Variants in XDH observed in about 807,000 individuals in gnomAD.
XDH encodes the protein xanthine dehydrogenase/oxidase.
A neutral mutation model predicts 156.1 loss-of-function variants in XDH; 138 were observed. The ratio of observed to expected loss-of-function variants is 0.88; its 90% CI spans 0.77 to 1.02. The LOEUF (loss-of-function observed/expected upper bound fraction) is 1.02. Among genes scored for constraint, XDH ranks in the 50% least tolerant of loss-of-function variants. XDH has a pLI of 0.00. For missense variants in XDH, 1,849 were observed against 1,684.9 expected, an observed-to-expected ratio of 1.10 and a Z score of -1.71; for synonymous variants, 669 against 625.7, an observed-to-expected ratio of 1.07 and a Z score of -1.03.
In XDH at chr2:31,383,668, G is replaced by A. The variant is rs1686503218; in HGVS notation, c.886+87C>T. On this transcript the variant is annotated intron_variant, in intron 10 of 35. Coordinates refer to ENST00000379416, the MANE Select transcript of XDH (RefSeq NM_000379.4). ...GCAGGGGGCAGCCAGAGCCAGTGGG[G>A]AGACCACCCTGATACCTGCCACCCA... 11 of 1,306,292 alleles carry A rather than the reference G, an allele frequency of 8.4e-6. No individual in the cohort carries two copies. The South Asian group carries it at 1.0e-4, about 12-fold the overall frequency. 80.9% of individuals were successfully genotyped at this position (1,306,292 alleles called of 1,614,324 possible). A position where few individuals can be genotyped will look rare whatever the true frequency, so the allele number is the denominator to read the frequency against.
intron 2 of XDH, among the ~76,000 whole-genome samples, chr2:31,404,414 T>G (rs991897607): frequency 6.6e-6 from 1 of 151,660 alleles, no homozygotes; most frequent in African/African-American, 2.4e-5. Context: ...AAGGCTGGAG[T>G]TTTCTCCCCC....
At chr2:31,363,174 T>G (rs569709978) in intron 24 of XDH, among the ~76,000 whole-genome samples, 54 of 151,966 alleles carry the variant, frequency 3.6e-4, no homozygotes, top group Admixed American at 6.6e-4. Context: ...TAGCCAGGCA[T>G]AGGGGTGCAT....
At chr2:31,347,784 G>T in intron 28 of XDH, 134 bp from the exon 29 acceptor site, 4 of 1,232,980 alleles carry the variant, frequency 3.2e-6, no homozygotes, top group Non-Finnish European at 3.4e-6. Flanking sequence ...TCATTGTCTG[G>T]GATGTCCTTA....
intron 9 of XDH, among the ~76,000 whole-genome samples, chr2:31,385,076 G>A (rs1190863840): frequency 6.6e-6 from 1 of 152,194 alleles, no homozygotes; most frequent in East Asian, 1.9e-4. Context: ...GCATGCAAGT[G>A]TGAAATGATC....
intron 1 of XDH, among the ~76,000 whole-genome samples, chr2:31,408,616 C>T (rs1687257201): frequency 6.6e-6 from 1 of 152,194 alleles, no homozygotes; most frequent in African/African-American, 2.4e-5. Flanking sequence ...CTCTTCCTGG[C>T]AGAAGAATGT....
chr2:31,411,972 T>G (rs1231192769), intron 1 of XDH, among the ~76,000 whole-genome samples: 1 of 151,662 alleles, frequency 6.6e-6, no homozygotes, highest in East Asian at 1.9e-4. Flanking sequence ...AGTGAGTGAG[T>G]GAGTGAGTGA....
chr2:31,378,105 AG>A (rs1686308905), intron 13 of XDH, among the ~76,000 whole-genome samples: 1 of 57,516 alleles, frequency 1.7e-5, no homozygotes, highest in Non-Finnish European at 3.3e-5. Context: ...AAAGAAAGAA[AG>A]AAAGGAAGGA....
intron 6 of XDH, among the ~76,000 whole-genome samples, chr2:31,393,961 T>C (rs1307229129): frequency 6.6e-6 from 1 of 152,128 alleles, no homozygotes; most frequent in African/African-American, 2.4e-5. Flanking sequence ...TTATCATTGT[T>C]GTCATTCATT....
chr2:31,406,049 C>A, intron 1 of XDH, 85 bp from the exon 2 acceptor site: 1 of 1,445,904 alleles, frequency 6.9e-7, no homozygotes, highest in South Asian at 1.2e-5. Flanking sequence ...GTGTCTCACT[C>A]AATAATTTGT....
intron 35 of XDH, among the ~76,000 whole-genome samples, 153 bp from the exon 36 acceptor site, chr2:31,336,161 A>G (rs534277930): frequency 2.0e-5 from 3 of 152,228 alleles, no homozygotes; most frequent in African/African-American, 4.8e-5. Context: ...TCAGGGCAGG[A>G]CTCCTTAATT....
rs1684943009 is a variant in XDH at position 31,335,243 on chromosome 2, TACTC to T, written c.*711_*714del. ...GATTAAACATAATCTTTTTTGTAAATACTCAAAGAGTATTTGGAATACAAATATT... is the reference window on the plus strand; with the variant it reads ...GATTAAACATAATCTTTTTTGTAAATAAAGAGTATTTGGAATACAAATATT... On this transcript the variant is annotated 3_prime_UTR_variant, in exon 36 of 36. Transcript: ENST00000379416. The T allele has an allele frequency of 1.3e-5, 2 of 149,938 alleles. No individual in the cohort carries two copies. Among genetic ancestry groups the T allele is most frequent in the Non-Finnish European group, 3.0e-5 (2 of 66,938 alleles). The allele number at this position is 149,938 out of a possible 1,614,324, so 9.3% of individuals were successfully genotyped here.
intron 3 of XDH, among the ~76,000 whole-genome samples, chr2:31,402,026 G>T (rs1687073011): frequency 6.6e-6 from 1 of 152,140 alleles, no homozygotes; most frequent in African/African-American, 2.4e-5. Flanking sequence ...TTTAAATCTT[G>T]TTAAAGTAAA....
chr2:31,357,987 C>CT (rs991100015), intron 24 of XDH, among the ~76,000 whole-genome samples: 14 of 150,490 alleles, frequency 9.3e-5, no homozygotes, highest in South Asian at 4.2e-4. Context: ...TTGTTTGTTT[C>CT]TTTTTTTTTC....
intron 24 of XDH, among the ~76,000 whole-genome samples, chr2:31,355,315 G>T (rs1158139593): frequency 2.6e-5 from 4 of 152,060 alleles, no homozygotes; most frequent in Middle Eastern, 3.4e-3. Context: ...GATAAAAGAA[G>T]GAAGCTTGGA....
Position 31,379,752 on chromosome 2 carries a change from T to C in XDH, c.1242+115A>G, listed in dbSNP as rs1001511778. On this transcript the variant is annotated intron_variant, in intron 13 of 35. Coordinates refer to ENST00000379416, the MANE Select transcript of XDH (RefSeq NM_000379.4). ...AAAGTTCAGAGAGAAAAATCATCAATGTAAAGGTTGAGAGATGCTCAGGTT... is the reference window on the plus strand; with the variant it reads ...AAAGTTCAGAGAGAAAAATCATCAACGTAAAGGTTGAGAGATGCTCAGGTT... 66 of 1,014,966 alleles carry C rather than the reference T, an allele frequency of 6.5e-5. No individual in the cohort carries two copies. The Admixed American group carries it at 9.0e-4, about 14-fold the overall frequency. The allele number at this position is 1,014,966 out of a possible 1,614,324, so 62.9% of individuals were successfully genotyped here.
intron 3 of XDH, among the ~76,000 whole-genome samples, chr2:31,402,405 T>C (rs928081998): frequency 1.3e-5 from 2 of 152,184 alleles, no homozygotes; most frequent in African/African-American, 4.8e-5. Context: ...TTTTCTCAAA[T>C]AAACTGTAAA....
chr2:31,380,525 C>T (rs1463898154), intron 12 of XDH, among the ~76,000 whole-genome samples: 2 of 152,192 alleles, frequency 1.3e-5, no homozygotes, highest in African/African-American at 4.8e-5. Flanking sequence ...TGATGAGCTC[C>T]CAAGAAAACC....
rs961878682 is a variant in XDH, at chr2:31,375,233, A to G, written c.1602+147T>C. 4.9e-5 allele frequency: 54 copies of G among 1,112,016 alleles called. No homozygotes were observed. The African/African-American group carries it at 7.0e-4, about 14-fold the overall frequency. 68.9% of individuals were successfully genotyped at this position (1,112,016 alleles called of 1,614,324 possible). A position where few individuals can be genotyped will look rare whatever the true frequency, so the allele number is the denominator to read the frequency against. On this transcript the variant is annotated intron_variant, in intron 15 of 35. Coordinates refer to ENST00000379416, the MANE Select transcript of XDH (RefSeq NM_000379.4). ...GCCTCTAAGCCAGCTGGTCACTCCCATTTCCAAGATTCTTGTGCTGTGACC... is the reference window on the plus strand; with the variant it reads ...GCCTCTAAGCCAGCTGGTCACTCCCGTTTCCAAGATTCTTGTGCTGTGACC...
Position 31,368,679 on chromosome 2 carries a change from T to C in XDH, c.1981-19A>G, listed in dbSNP as rs751855428. The C allele has an allele frequency of 6.2e-7, 1 of 1,614,208 alleles. No homozygotes were observed. Among genetic ancestry groups the C allele is most frequent in the South Asian group, 1.1e-5 (1 of 91,082 alleles). On this transcript the variant is annotated intron_variant, in intron 18 of 35. Coordinates refer to ENST00000379416, the MANE Select transcript of XDH (RefSeq NM_000379.4). ...AAGTAACCTAGTAGCAGAGACAGAC[T>C]GTTAAAGAACGCAACCAGGCTCATG...
Sources: allele counts gnomAD v4.1 joint callset (sites outside exome capture counted in the v4.1 genomes callset), GRCh38; gene constraint gnomAD v4.1.1; transcripts MANE v1.5; gene names NCBI Gene and HGNC (gene_info 2026-07-23, HGNC 2026-07-21).